The following QTMAN variants were observed in gnomAD, a reference collection of about 807,000 sequenced individuals.
QTMAN encodes the protein tRNA-queuosine alpha-mannosyltransferase.
chr2:144,133,247 A>T, the QTMAN span, among the ~76,000 whole-genome samples: 164 of 52,582 alleles, frequency 3.1e-3, 2 homozygotes, highest in African/African-American at 0.024. Flanking sequence ...TTATATATAA[A>T]TATATATAAA....
the QTMAN span, among the ~76,000 whole-genome samples, chr2:143,959,406 T>C: frequency 1.3e-5 from 2 of 152,150 alleles, no homozygotes; most frequent in Admixed American, 6.5e-5. Context: ...TTCCTGATTT[T>C]AGTTTATTGC....
chr2:144,203,257 C>A, the QTMAN span, among the ~76,000 whole-genome samples: 1 of 150,970 alleles, frequency 6.6e-6, no homozygotes, highest in East Asian at 2.0e-4. Flanking sequence ...AGCAAAGAGA[C>A]AGAAAGAGGC....
At chr2:144,277,199 T>C in the QTMAN span, among the ~76,000 whole-genome samples, 2 of 152,058 alleles carry the variant, frequency 1.3e-5, no homozygotes, top group African/African-American at 2.4e-5. Flanking sequence ...ATTTCATATA[T>C]TTATTTTTAC....
the QTMAN span, among the ~76,000 whole-genome samples, chr2:144,164,470 A>C: frequency 6.6e-6 from 1 of 152,140 alleles, no homozygotes; most frequent in Admixed American, 6.6e-5. Flanking sequence ...ATGTTGCAAT[A>C]TCTGAGAATT....
the QTMAN span, among the ~76,000 whole-genome samples, chr2:144,232,458 T>C: frequency 1.3e-5 from 2 of 152,208 alleles, no homozygotes; most frequent in African/African-American, 2.4e-5. Context: ...ATGTTTCACA[T>C]TAATAATTCA....
chr2:144,003,442 T>G, the QTMAN span, among the ~76,000 whole-genome samples: 182 of 150,174 alleles, frequency 1.2e-3, 2 homozygotes, highest in African/African-American at 4.2e-3. Flanking sequence ...AACCAAGCAG[T>G]GCCAATTGCA....
At chr2:144,107,263 G>C in the QTMAN span, among the ~76,000 whole-genome samples, 1 of 152,048 alleles carries the variant, frequency 6.6e-6, no homozygotes, top group South Asian at 2.1e-4. Context: ...GATCAGAGCA[G>C]AACTGAAGGA....
At chr2:144,178,079 C>A in the QTMAN span, among the ~76,000 whole-genome samples, 1 of 152,086 alleles carries the variant, frequency 6.6e-6, no homozygotes, top group Non-Finnish European at 1.5e-5. Flanking sequence ...ACCGTTTATC[C>A]AGTGCTCGTA....
the QTMAN span, among the ~76,000 whole-genome samples, chr2:144,169,782 T>A: frequency 6.6e-6 from 1 of 152,084 alleles, no homozygotes; most frequent in Non-Finnish European, 1.5e-5. Context: ...ATATACAATA[T>A]CTACTCTGCC....
the QTMAN span, among the ~76,000 whole-genome samples, chr2:144,177,526 AGG>A: frequency 2.3e-3 from 348 of 152,292 alleles, 4 homozygotes; most frequent in Admixed American, 0.02. Flanking sequence ...CATATGGTAA[AGG>A]TGGCCTCCCA....
At chr2:144,133,618 C>T in the QTMAN span, among the ~76,000 whole-genome samples, 1 of 134,972 alleles carries the variant, frequency 7.4e-6, no homozygotes, top group Non-Finnish European at 1.6e-5. Context: ...GACAACCAAA[C>T]TCTCTTTTAA....
At chr2:144,007,504 T>C in the QTMAN span, 6 of 1,600,734 alleles carry the variant, frequency 3.7e-6, no homozygotes, top group South Asian at 5.7e-5. Flanking sequence ...AGCATCTTCT[T>C]TAAATGGGTT....
chr2:144,136,347 G>A, the QTMAN span, among the ~76,000 whole-genome samples: 16 of 142,934 alleles, frequency 1.1e-4, no homozygotes, highest in South Asian at 1.1e-3. Flanking sequence ...GGAGGGGAGC[G>A]GAGGGGAGGG....
chr2:144,227,753 T>C, the QTMAN span, among the ~76,000 whole-genome samples: 2 of 152,176 alleles, frequency 1.3e-5, no homozygotes, highest in Non-Finnish European at 2.9e-5. Context: ...TAACTGTACA[T>C]AGGAATTAAG....
chr2:144,326,345 T>G, the QTMAN span, among the ~76,000 whole-genome samples: 1 of 152,060 alleles, frequency 6.6e-6, no homozygotes, highest in Non-Finnish European at 1.5e-5. Context: ...CCCAGCACTT[T>G]GGGAGGGTGA....
chr2:144,033,017 G>A, the QTMAN span, among the ~76,000 whole-genome samples: 1 of 152,114 alleles, frequency 6.6e-6, no homozygotes, highest in Admixed American at 6.5e-5. Context: ...TGGAAAAGAT[G>A]ATGTGAAAAG....
the QTMAN span, among the ~76,000 whole-genome samples, chr2:144,170,478 A>G: frequency 1.3e-5 from 2 of 152,282 alleles, no homozygotes; most frequent in South Asian, 2.1e-4. Context: ...GTGGGTTTGC[A>G]TCATAGCTGA....
chr2:144,234,667 T>C, the QTMAN span, among the ~76,000 whole-genome samples: 5 of 152,168 alleles, frequency 3.3e-5, no homozygotes, highest in Middle Eastern at 3.2e-3. Flanking sequence ...CAATAGCTGT[T>C]ATAGAAATAG....
chr2:144,076,946 C>A, the QTMAN span, among the ~76,000 whole-genome samples: 1 of 149,238 alleles, frequency 6.7e-6, no homozygotes, highest in Non-Finnish European at 1.5e-5. Flanking sequence ...AGGTGAGACT[C>A]GGTCTATTAA....
Sources: gnomAD v4.1 joint callset for allele counts (sites outside exome capture counted in the v4.1 genomes callset) on GRCh38, gnomAD v4.1.1 for gene constraint, MANE v1.5 for transcripts, NCBI Gene and HGNC (gene_info 2026-07-23, HGNC 2026-07-21) for gene names.